Variants in CHAF1A observed in about 807,000 individuals in gnomAD.
CHAF1A encodes the protein chromatin assembly factor 1 subunit A, also known as CAF-1 subunit A.
In CHAF1A, 5 loss-of-function variants were observed where a neutral mutation model predicts 93.2. That is an observed-to-expected ratio of 0.05 (90% confidence interval 0.03 to 0.11). CHAF1A has a LOEUF of 0.11. CHAF1A is among the 10% of genes least tolerant of loss of function. The probability of loss-of-function intolerance (pLI) is 1.00; values close to 1 mark genes in which losing one functional copy is unlikely to be tolerated. For synonymous variants in CHAF1A, 504 were observed against 510.3 expected, an observed-to-expected ratio of 0.99 and a Z score of 0.17; for missense variants, 1,102 against 1,259.9, an observed-to-expected ratio of 0.87 and a Z score of 1.90.
intron 3 of CHAF1A, among the ~76,000 whole-genome samples, chr19:4,413,003 A>G (rs1250050901): frequency 6.6e-6 from 1 of 152,156 alleles, no homozygotes; most frequent in African/African-American, 2.4e-5. Flanking sequence ...TTTATCTCCG[A>G]ACCTTTAAGG....
chr19:4,441,186 A>T (rs908624477), intron 13 of CHAF1A, among the ~76,000 whole-genome samples: 1 of 151,942 alleles, frequency 6.6e-6, no homozygotes, highest in Non-Finnish European at 1.5e-5. Flanking sequence ...GTGTGGTGGC[A>T]GGTGGCTGTA....
chr19:4,446,446 C>G (rs370002824), downstream of CHAF1A: 5 of 1,580,030 alleles, frequency 3.2e-6, no homozygotes, highest in Non-Finnish European at 4.3e-6. Flanking sequence ...GAGGGCTGGC[C>G]GGGGTTCTTC....
At chr19:4,423,283 C>G (rs1377023556) in intron 5 of CHAF1A, 52 bp from the exon 6 acceptor site, 5 of 1,612,720 alleles carry the variant, frequency 3.1e-6, no homozygotes, top group African/African-American at 1.3e-5. Flanking sequence ...GCTGCGGTCC[C>G]TTCCAGAGCC....
At chr19:4,448,595 C>T, downstream of CHAF1A, 1 of 614,610 alleles carries the variant, frequency 1.6e-6, no homozygotes, top group Non-Finnish European at 2.9e-6. Context: ...TGCCCACGCC[C>T]CAGGGCAGAG....
At chr19:4,421,266 G>T (rs1973986446) in intron 4 of CHAF1A, among the ~76,000 whole-genome samples, 1 of 151,838 alleles carries the variant, frequency 6.6e-6, no homozygotes. Context: ...TAGACTTGGG[G>T]TTTCACCTTC....
rs988045836 is a variant in CHAF1A, at chr19:4,423,933, A to C, written c.1377+59A>C. On this transcript the variant is annotated intron_variant, in intron 7 of 14. Coordinates refer to ENST00000301280, the MANE Select transcript of CHAF1A (RefSeq NM_005483.3). ...AGCTCTGCTAGACTTTTCCTTTCTG[A>C]AAGTGAAAGGGTCTCTCCCCAGCCA... is the stretch of plus-strand genomic sequence containing the variant. 2.7e-6 allele frequency: 4 copies of C among 1,503,320 alleles called. No individual in the cohort carries two copies. The African/African-American group carries it at 5.5e-5, about 21-fold the overall frequency. The allele number at this position is 1,503,320 out of a possible 1,614,324, so 93.1% of individuals were successfully genotyped here.
At chr19:4,429,400 A>C (rs750110155) in intron 8 of CHAF1A, 38 bp from the exon 9 acceptor site, 7 of 1,606,646 alleles carry the variant, frequency 4.4e-6, no homozygotes, top group African/African-American at 1.3e-5. Flanking sequence ...CAGGTCTGTA[A>C]GGCAGCGTGA....
At chr19:4,443,582 C>T (rs1340342430), downstream of CHAF1A, among the ~76,000 whole-genome samples, 1 of 152,118 alleles carries the variant, frequency 6.6e-6, no homozygotes, top group African/African-American at 2.4e-5. Context: ...CGGGTTTTTC[C>T]GCACGTGCTT....
intron 7 of CHAF1A, among the ~76,000 whole-genome samples, chr19:4,426,813 A>G (rs1599652862): frequency 6.6e-6 from 1 of 151,970 alleles, no homozygotes; most frequent in East Asian, 2.0e-4. Context: ...CCTTTTGGCC[A>G]GGTGCGGTGG....
At chr19:4,445,458 GAGAC>G, downstream of CHAF1A, 1 of 1,612,640 alleles carries the variant, frequency 6.2e-7, no homozygotes, top group Non-Finnish European at 8.5e-7. Flanking sequence ...GGGAGAGCAT[GAGAC>G]AGACCCACAG....
Position 4,402,670 on chromosome 19 carries a change from C to A in CHAF1A, c.-93C>A. 2 of 847,130 alleles carry A rather than the reference C, an allele frequency of 2.4e-6. No homozygotes were observed. The highest frequency in any genetic ancestry group is 3.1e-6 in the Non-Finnish European group (2 of 652,382). The allele number at this position is 847,130 out of a possible 1,614,324, so 52.5% of individuals were successfully genotyped here. A position where few individuals can be genotyped will look rare whatever the true frequency, so the allele number is the denominator to read the frequency against. On this transcript the variant is annotated 5_prime_UTR_variant, in exon 1 of 15. Transcript: ENST00000301280. Reference sequence around the variant, plus strand: ...ACGAGCGCGGCGGCCGCGGCGGCAGCAGCGGCGCGGGCGGGAGGGCGAAGA... The same window carrying A: ...ACGAGCGCGGCGGCCGCGGCGGCAGAAGCGGCGCGGGCGGGAGGGCGAAGA...
chr19:4,408,828 A>C, intron 2 of CHAF1A, 75 bp from the exon 3 acceptor site: 1 of 1,514,446 alleles, frequency 6.6e-7, no homozygotes, highest in Non-Finnish European at 8.9e-7. Context: ...GTCCCAACAA[A>C]TCAGTAATTT....
chr19:4,448,736 A>C (rs2145176867), downstream of CHAF1A: 1 of 349,604 alleles, frequency 2.9e-6, no homozygotes, highest in Non-Finnish European at 5.4e-6. Flanking sequence ...ACTCGACCTC[A>C]GTGCTGAGAT....
Position 4,443,207 on chromosome 19 carries a change from C to T in CHAF1A, c.*182C>T, listed in dbSNP as rs1974429870. The stretch of plus-strand genomic sequence containing the variant: ...ATATTTGTAAAAATTCCCCCAAGAG[C>T]CGCATATGAATCTGCCCTTTAATAA... On this transcript the variant is annotated 3_prime_UTR_variant, in exon 15 of 15. Transcript: ENST00000301280. 3 of 619,982 alleles carry T rather than the reference C, an allele frequency of 4.8e-6. No homozygotes were observed. The highest frequency in any genetic ancestry group is 1.8e-5 in the African/African-American group (1 of 55,066). The allele number at this position is 619,982 out of a possible 1,614,324, so 38.4% of individuals were successfully genotyped here.
chr19:4,430,242 A>T, intron 10 of CHAF1A: 1 of 362,090 alleles, frequency 2.8e-6, no homozygotes, highest in South Asian at 2.6e-5. Context: ...CAGTGGCGCG[A>T]TTTCGGCTCA....
At chr19:4,425,673 G>A (rs1974068187) in intron 7 of CHAF1A, among the ~76,000 whole-genome samples, 1 of 152,174 alleles carries the variant, frequency 6.6e-6, no homozygotes, top group Non-Finnish European at 1.5e-5. Context: ...GCCCCTCAGT[G>A]GTGTAGGGGG....
intron 3 of CHAF1A, among the ~76,000 whole-genome samples, chr19:4,413,221 G>C (rs1369463957): frequency 6.6e-6 from 1 of 152,036 alleles, no homozygotes; most frequent in Non-Finnish European, 1.5e-5. Context: ...ACAGGCACGC[G>C]CCACCAGGCC....
intron 3 of CHAF1A, 138 bp from the exon 4 acceptor site, chr19:4,417,882 C>T: frequency 1.7e-6 from 1 of 576,042 alleles, no homozygotes; most frequent in Non-Finnish European, 3.1e-6. Flanking sequence ...CACATGTATG[C>T]ACACTTACTG....
intron 7 of CHAF1A, among the ~76,000 whole-genome samples, chr19:4,427,092 GAA>G (rs1029844788): frequency 1.1e-5 from 1 of 92,866 alleles, no homozygotes; most frequent in Non-Finnish European, 2.1e-5. Flanking sequence ...CTCCATCTCA[GAA>G]AAAAAAAAGA....
Sources: gnomAD v4.1 joint callset for allele counts (sites outside exome capture counted in the v4.1 genomes callset) on GRCh38, gnomAD v4.1.1 for gene constraint, MANE v1.5 for transcripts, NCBI Gene and HGNC (gene_info 2026-07-23, HGNC 2026-07-21) for gene names.